Variants in SPICE1 observed in about 807,000 individuals in gnomAD.
SPICE1 encodes the protein spindle and centriole associated protein 1.
A neutral mutation model predicts 102.7 loss-of-function variants in SPICE1; 75 were observed. That is an observed-to-expected ratio of 0.73 (90% CI 0.61 to 0.88). The LOEUF is 0.88. SPICE1 is among the 40% of genes least tolerant of loss of function. SPICE1 has a pLI of 0.00. For missense variants in SPICE1, 979 were observed against 1,020.1 expected, an observed-to-expected ratio of 0.96 and a Z score of 0.55; for synonymous variants, 308 against 350.3, an observed-to-expected ratio of 0.88 and a Z score of 1.35.
chr3:113,445,250 G>C lies in SPICE1; in HGVS notation c.*57C>G. On this transcript the variant is annotated 3_prime_UTR_variant, in exon 18 of 18. Transcript: ENST00000295872. ...AGGATATAAAAACTTAAAAGTCAGA[G>C]CAGGGAAAGGGAAGTAATAAATTAT... 1 of 1,413,846 alleles carries C rather than the reference G, an allele frequency of 7.1e-7. No individual in the cohort carries two copies. The highest frequency in any genetic ancestry group is 1.2e-5 in the South Asian group (1 of 81,324). The allele number at this position is 1,413,846 out of a possible 1,614,324, so 87.6% of individuals were successfully genotyped here. A position where few individuals can be genotyped will look rare whatever the true frequency, so the allele number is the denominator to read the frequency against.
chr3:113,459,833 G>C, intron 12 of SPICE1: 1 of 965,530 alleles, frequency 1.0e-6, no homozygotes, highest in South Asian at 4.8e-5. Context: ...AGTAAGCCGA[G>C]AGGGCGCCAC....
Position 113,489,080 on chromosome 3 carries a change from A to C in SPICE1, c.493-17T>G. The C allele has an allele frequency of 1.4e-6, 2 of 1,472,634 alleles. No homozygotes were observed. Among genetic ancestry groups the C allele is most frequent in the Non-Finnish European group, 1.9e-6 (2 of 1,053,010 alleles). 91.2% of individuals were successfully genotyped at this position (1,472,634 alleles called of 1,614,324 possible). A position where few individuals can be genotyped will look rare whatever the true frequency, so the allele number is the denominator to read the frequency against. On this transcript the variant is annotated splice_polypyrimidine_tract_variant and intron_variant, in intron 6 of 17. Coordinates refer to ENST00000295872, the MANE Select transcript of SPICE1 (RefSeq NM_144718.4). ...ATTAAGAGCCTGTCTCAACACAACAATAAAAATAGCACAAGTTGATTATAT... is the reference window on the plus strand; with the variant it reads ...ATTAAGAGCCTGTCTCAACACAACACTAAAAATAGCACAAGTTGATTATAT...
At chr3:113,471,583 A>C (rs1329212685) in intron 7 of SPICE1, among the ~76,000 whole-genome samples, 1 of 152,224 alleles carries the variant, frequency 6.6e-6, no homozygotes, top group Admixed American at 6.5e-5. Context: ...CTGTTGTTTT[A>C]AGCCACCAAA....
chr3:113,513,941 C>T (rs1937273567), intron 1 of SPICE1, among the ~76,000 whole-genome samples: 1 of 152,182 alleles, frequency 6.6e-6, no homozygotes, highest in Non-Finnish European at 1.5e-5. Context: ...GTATTTACAA[C>T]AAAAGGGCAG....
At chr3:113,500,643 T>C (rs1363288393) in intron 3 of SPICE1, among the ~76,000 whole-genome samples, 2 of 152,188 alleles carry the variant, frequency 1.3e-5, no homozygotes, top group Non-Finnish European at 2.9e-5. Context: ...ATGAAGCAAC[T>C]GTGGCAAATT....
At chr3:113,459,748 G>A (rs1020547901) in intron 12 of SPICE1, 35 of 708,570 alleles carry the variant, frequency 4.9e-5, no homozygotes, top group Non-Finnish European at 5.0e-5. Flanking sequence ...CAGGTGTGGT[G>A]GCAGGCGCCT....
Position 113,457,271 on chromosome 3 carries a change from T to C in SPICE1, c.1522A>G (p.Lys508Glu). The C allele has an allele frequency of 1.2e-6, 2 of 1,614,176 alleles. No individual in the cohort carries two copies. Among genetic ancestry groups the C allele is most frequent in the Non-Finnish European group, 1.7e-6 (2 of 1,180,010 alleles). Residue 508 changes from lysine (K) to glutamate (E), a missense_variant, in exon 13 of 18, where the codon AAA becomes GAA. Physicochemically the swap from Lys to Glu is moderately conservative, Grantham distance 56 (BLOSUM62 1). Transcript: ENST00000295872. Reference protein sequence around the residue: ...AEFPQEELPVKLSQVPDPPDN... With the variant: ...AEFPQEELPVELSQVPDPPDN... ...GGAGGGTCTGGCACCTGAGACAGTTTAACGGGCAACTCTTCCTGTGGGAAT... is the reference window on the plus strand; with the variant it reads ...GGAGGGTCTGGCACCTGAGACAGTTCAACGGGCAACTCTTCCTGTGGGAAT...
At chr3:113,474,819 G>A (rs1407380380) in intron 7 of SPICE1, among the ~76,000 whole-genome samples, 1 of 151,862 alleles carries the variant, frequency 6.6e-6, no homozygotes, top group African/African-American at 2.4e-5. Context: ...AGCACTAAAT[G>A]CCCACAAGAG....
chr3:113,468,303 G>A lies in SPICE1; in HGVS notation c.991C>T (p.Leu331=), dbSNP rs1259643368. ...ADLPNRTNSN[L]DVLKHMIHEV... ...TGTATCATGTGTTTGAGGACATCCA[G>A]GTTGGAATTAGTCCTATTTGGTAAG... The change falls in exon 10 of 18, where the codon CTG becomes TTG. Residue 331 remains leucine (L), a synonymous_variant. Transcript: ENST00000295872. The A allele has an allele frequency of 1.2e-6, 2 of 1,614,132 alleles. No homozygotes were observed. The highest frequency in any genetic ancestry group is 1.1e-5 in the South Asian group (1 of 91,084).
At position 113,468,251 on chromosome 3, in the gene SPICE1, T is replaced by C. The variant is rs774877656; in HGVS notation, c.1043A>G (p.Tyr348Cys). 4 of 1,614,046 alleles carry C rather than the reference T, an allele frequency of 2.5e-6. No individual in the cohort carries two copies. In the African/African-American group the frequency reaches 5.3e-5, roughly 22 times the overall value. The change falls in exon 10 of 18, where the codon TAT becomes TGT. Residue 348 changes from tyrosine (Y) to cysteine (C), a missense_variant. Physicochemically the swap from Tyr to Cys is radical, Grantham distance 194 (BLOSUM62 -2). Transcript: ENST00000295872. ...IHEVEHEMEE[Y>C]ERWTGREVKG... is the part of the protein sequence containing the mutation. ...GACCTCGCGACCTGTCCACCGCTCA[T>C]ATTCTTCCATTTCATGTTCCACTTC...
At chr3:113,455,276 C>A (rs1304931872) in intron 13 of SPICE1, among the ~76,000 whole-genome samples, 1 of 152,114 alleles carries the variant, frequency 6.6e-6, no homozygotes, top group African/African-American at 2.4e-5. Context: ...CACCAATACA[C>A]ACAGACACAC....
At position 113,488,929 on chromosome 3, in the gene SPICE1, T is replaced by C. The variant is rs1227379975; in HGVS notation, c.611+16A>G. On this transcript the variant is annotated intron_variant, in intron 7 of 17. Transcript: ENST00000295872. ...AAAACCTGAGAGTTGTAAATATTTATGCCATATACACATACCTGTCTGTAT... is the reference window on the plus strand; with the variant it reads ...AAAACCTGAGAGTTGTAAATATTTACGCCATATACACATACCTGTCTGTAT... The C allele has an allele frequency of 3.4e-6, 5 of 1,463,782 alleles. No homozygotes were observed. Among genetic ancestry groups the C allele is most frequent in the African/African-American group, 1.4e-5 (1 of 71,948 alleles). 90.7% of individuals were successfully genotyped at this position (1,463,782 alleles called of 1,614,324 possible). A position where few individuals can be genotyped will look rare whatever the true frequency, so the allele number is the denominator to read the frequency against.
chr3:113,513,067 C>T (rs1352091687), intron 1 of SPICE1, among the ~76,000 whole-genome samples: 1 of 152,124 alleles, frequency 6.6e-6, no homozygotes, highest in East Asian at 1.9e-4. Context: ...AATGTATGGA[C>T]AAACAAACAC....
rs1935425812 is a variant in SPICE1, at chr3:113,443,092, T to C, written c.*2215A>G. 6.6e-6 allele frequency: 1 copy of C among 152,180 alleles called. No homozygotes were observed. The highest frequency in any genetic ancestry group is 1.5e-5 in the Non-Finnish European group (1 of 68,032). The allele number at this position is 152,180 out of a possible 1,614,324, so 9.4% of individuals were successfully genotyped here. A position where few individuals can be genotyped will look rare whatever the true frequency, so the allele number is the denominator to read the frequency against. ...AATTGGAAACATGGGGGAAATAGTG[T>C]ATTTATTTATTTATATACCAAAAAA... is the stretch of plus-strand genomic sequence containing the variant. On this transcript the variant is annotated 3_prime_UTR_variant, in exon 18 of 18. Transcript: ENST00000295872.
intron 16 of SPICE1, among the ~76,000 whole-genome samples, chr3:113,447,814 T>C (rs949741072): frequency 2.0e-5 from 3 of 152,240 alleles, no homozygotes; most frequent in African/African-American, 7.2e-5. Flanking sequence ...ACGTGTTATC[T>C]CACTTTTGTT....
chr3:113,488,737 T>G (rs941636714), intron 7 of SPICE1, among the ~76,000 whole-genome samples: 1 of 152,198 alleles, frequency 6.6e-6, no homozygotes, highest in South Asian at 2.1e-4. Flanking sequence ...AAAAGAAATG[T>G]GGAAAACATT....
intron 4 of SPICE1, among the ~76,000 whole-genome samples, chr3:113,494,708 A>C (rs1936843399): frequency 6.6e-6 from 1 of 152,106 alleles, no homozygotes; most frequent in East Asian, 1.9e-4. Flanking sequence ...ACATATACAA[A>C]ATAAAAGTTT....
intron 7 of SPICE1, among the ~76,000 whole-genome samples, chr3:113,471,411 G>A (rs894181109): frequency 1.5e-4 from 23 of 152,210 alleles, no homozygotes; most frequent in Non-Finnish European, 2.6e-4. Context: ...AGAGATTGGT[G>A]TGCTGCAGCC....
At chr3:113,497,175 T>A (rs893315692) in intron 4 of SPICE1, among the ~76,000 whole-genome samples, 3 of 152,196 alleles carry the variant, frequency 2.0e-5, no homozygotes, top group African/African-American at 7.2e-5. Flanking sequence ...TCCTGTTTCC[T>A]GCTGGCTGGC....
Sources: allele counts gnomAD v4.1 joint callset (sites outside exome capture counted in the v4.1 genomes callset), GRCh38; gene constraint gnomAD v4.1.1; transcripts MANE v1.5; gene names NCBI Gene and HGNC (gene_info 2026-07-23, HGNC 2026-07-21).